CDH18: variants seen among roughly 807,000 people sequenced by gnomAD.
The protein encoded by CDH18 is cadherin 18, also known as cadherin-18.
A neutral mutation model predicts 67.9 loss-of-function variants in CDH18; 31 were observed. The ratio of observed to expected loss-of-function variants is 0.46; its 90% CI spans 0.34 to 0.62. The LOEUF is 0.62. Ranked by LOEUF, CDH18 falls within the 20% of genes least tolerant of loss-of-function variation. CDH18 has a pLI of 0.01. For missense variants in CDH18, 890 were observed against 975.5 expected (o/e 0.91, Z 1.17); for synonymous variants, 362 against 347.2 (o/e 1.04, Z -0.48).
At chr5:19,721,817 A>G (rs1766139528) in intron 4 of CDH18, among the ~76,000 whole-genome samples, 1 of 152,196 alleles carries the variant, frequency 6.6e-6, no homozygotes, top group Non-Finnish European at 1.5e-5. Flanking sequence ...CTAATTTTGC[A>G]GTTAAATCAG....
At chr5:20,211,277 T>C (rs1018166159) in intron 2 of CDH18, among the ~76,000 whole-genome samples, 2 of 152,264 alleles carry the variant, frequency 1.3e-5, no homozygotes, top group Non-Finnish European at 2.9e-5. Flanking sequence ...GGCAGCTCAA[T>C]GAGGCCTGCC....
chr5:19,528,007 A>T (rs1748010094), intron 9 of CDH18, among the ~76,000 whole-genome samples: 1 of 151,834 alleles, frequency 6.6e-6, no homozygotes, highest in Non-Finnish European at 1.5e-5. Context: ...ACAAAGTCAA[A>T]GTAATTTACC....
rs143362077 is a variant in CDH18, at chr5:20,330,452, G to A, written c.-579-74947C>T. 1.1e-4 allele frequency among the ~76,000 whole-genome samples: 16 copies of A among 152,220 alleles called. No individual in the cohort carries two copies. In the South Asian group the frequency reaches 1.9e-3, roughly 18 times the overall value. ...GTCCCAGCTGGTGCCAGGGAAAGGC[G>A]GTCTTCCAATAGATAGAAACACCTA... is the stretch of plus-strand genomic sequence containing the variant. On this transcript the variant is annotated intron_variant, in intron 1 of 14. Coordinates refer to the CDH18 transcript ENST00000507958.
At chr5:20,386,800 A>T (rs1343317147) in intron 1 of CDH18, among the ~76,000 whole-genome samples, 5 of 152,254 alleles carry the variant, frequency 3.3e-5, no homozygotes, top group Non-Finnish European at 4.4e-5. Flanking sequence ...CAGTTATCCC[A>T]ATAATTATTT....
At chr5:20,208,887 T>C (rs776516097) in intron 2 of CDH18, among the ~76,000 whole-genome samples, 1 of 151,582 alleles carries the variant, frequency 6.6e-6, no homozygotes, top group Non-Finnish European at 1.5e-5. Context: ...TCAATAGCAA[T>C]AAAGAAAAAA....
intron 2 of CDH18, among the ~76,000 whole-genome samples, chr5:20,219,648 T>A (rs1159805056): frequency 6.6e-6 from 1 of 151,962 alleles, no homozygotes; most frequent in South Asian, 2.1e-4. Flanking sequence ...CAAGTGGAAT[T>A]TATCCAAGGG....
intron 7 of CDH18, among the ~76,000 whole-genome samples, chr5:19,578,132 G>A (rs180881532): frequency 4.2e-4 from 64 of 152,326 alleles, no homozygotes; most frequent in Non-Finnish European, 6.6e-4. Context: ...CTGTGAGACA[G>A]CACACTGGTT....
At chr5:19,902,111 G>A (rs1335301270) in intron 2 of CDH18, among the ~76,000 whole-genome samples, 5 of 151,932 alleles carry the variant, frequency 3.3e-5, no homozygotes, top group East Asian at 1.9e-4. Flanking sequence ...TAACATATTC[G>A]TAATACTCAA....
chr5:20,066,743 T>G (rs894150078), intron 2 of CDH18, among the ~76,000 whole-genome samples: 2 of 151,978 alleles, frequency 1.3e-5, no homozygotes, highest in Non-Finnish European at 1.5e-5. Context: ...AGAAAAAGGA[T>G]AATATTGAAG....
intron 1 of CDH18, among the ~76,000 whole-genome samples, chr5:20,407,728 T>G (rs565737615): frequency 6.6e-6 from 1 of 150,384 alleles, no homozygotes; most frequent in Admixed American, 6.6e-5. Context: ...AATAATTTTT[T>G]TTTTTAAAAA....
intron 8 of CDH18, among the ~76,000 whole-genome samples, chr5:19,549,287 T>A (rs1376125098): frequency 1.3e-5 from 2 of 152,060 alleles, no homozygotes; most frequent in Admixed American, 6.6e-5. Context: ...GCCTGGGACT[T>A]CTTCTCACTC....
Position 20,529,670 on chromosome 5 carries a change from C to T in CDH18, c.-580+45792G>A, listed in dbSNP as rs138188362. Among the ~76,000 whole-genome samples the T allele has an allele frequency of 3.2e-4, 48 of 152,052 alleles. 1 individual carries two copies. The East Asian group carries it at 8.7e-3, about 28-fold the overall frequency. On this transcript the variant is annotated intron_variant, in intron 1 of 14. Transcript: ENST00000507958. ...TTATCTCAATAGACACAGAAAAGAC[C>T]TTCAATAAAATTCAACATCTCCTCA...
intron 9 of CDH18, among the ~76,000 whole-genome samples, chr5:19,530,013 TAGG>T (rs1044207823): frequency 5.9e-5 from 9 of 152,198 alleles, no homozygotes; most frequent in Admixed American, 2.6e-4. Context: ...AAGAAAAATG[TAGG>T]AGAACTCACA....
intron 2 of CDH18, among the ~76,000 whole-genome samples, chr5:20,172,228 A>ATATATACATG (rs1736863973): frequency 6.3e-5 from 7 of 110,734 alleles, no homozygotes; most frequent in African/African-American, 2.7e-4. Context: ...ATATATGTAT[A>ATATATACATG]TATATATATA....
intron 2 of CDH18, among the ~76,000 whole-genome samples, chr5:19,921,488 T>C (rs543159237): frequency 6.9e-6 from 1 of 144,956 alleles, no homozygotes; most frequent in Non-Finnish European, 1.5e-5. Flanking sequence ...CCGAGATCGC[T>C]CCACTGCACT....
chr5:19,777,032 C>T (rs144911210), intron 3 of CDH18, among the ~76,000 whole-genome samples: 14 of 152,234 alleles, frequency 9.2e-5, no homozygotes, highest in African/African-American at 3.4e-4. Flanking sequence ...GTAATCTCAG[C>T]ACTTTGGGAA....
At chr5:19,753,486 T>G (rs976726611) in intron 3 of CDH18, among the ~76,000 whole-genome samples, 1 of 151,962 alleles carries the variant, frequency 6.6e-6, no homozygotes, top group African/African-American at 2.4e-5. Context: ...GAAGAAAGAA[T>G]AAGAAAATAT....
intron 2 of CDH18, among the ~76,000 whole-genome samples, chr5:20,190,989 T>C (rs1738491690): frequency 6.6e-6 from 1 of 152,168 alleles, no homozygotes; most frequent in Non-Finnish European, 1.5e-5. Context: ...TTATTACTTT[T>C]GCATTTTCAA....
At chr5:19,601,012 T>C in intron 6 of CDH18, among the ~76,000 whole-genome samples, 1 of 152,276 alleles carries the variant, frequency 6.6e-6, no homozygotes, top group East Asian at 1.9e-4. Flanking sequence ...TGAAATAAAC[T>C]TATAAAAGCT....
Sources: gnomAD v4.1 joint callset for allele counts (sites outside exome capture counted in the v4.1 genomes callset) on GRCh38, gnomAD v4.1.1 for gene constraint, MANE v1.5 for transcripts, NCBI Gene and HGNC (gene_info 2026-07-23, HGNC 2026-07-21) for gene names.